Variants in PTPN13 observed in about 807,000 individuals in gnomAD.
The protein encoded by PTPN13 is tyrosine-protein phosphatase non-receptor type 13.
In PTPN13, 191 loss-of-function variants were observed where a neutral mutation model predicts 284.0. That is an observed-to-expected ratio of 0.67 (90% CI 0.60 to 0.76). The LOEUF (loss-of-function observed/expected upper bound fraction) is 0.76, where lower values mean the gene tolerates loss of function less well. Ranked by LOEUF, PTPN13 falls within the 30% of genes least tolerant of loss-of-function variation. The pLI, the probability that PTPN13 is intolerant of heterozygous loss-of-function variation, is 0.00. For missense variants in PTPN13, 2,797 were observed against 2,939.9 expected (o/e 0.95, Z 1.12); for synonymous variants, 986 against 1,022.3 (o/e 0.96, Z 0.68).
chr4:86,766,674 A>T (rs1739353457), intron 27 of PTPN13, 157 bp downstream of exon 27: 1 of 472,710 alleles, frequency 2.1e-6, no homozygotes, highest in Non-Finnish European at 3.6e-6. Context: ...TTCCTTCCAA[A>T]TTGAAATGCA....
intron 2 of PTPN13, among the ~76,000 whole-genome samples, chr4:86,647,938 G>A (rs889750967): frequency 1.3e-3 from 198 of 151,976 alleles, no homozygotes; most frequent in African/African-American, 4.4e-3. Context: ...AACTTAAACC[G>A]TCCATTCTGT....
Position 86,779,310 on chromosome 4 carries a change from G to A in PTPN13, c.5892-1092G>A, listed in dbSNP as rs190860650. On this transcript the variant is annotated intron_variant, in intron 35 of 47. Transcript: ENST00000411767. ...CGGGCGCCTGTAGTCCCAGCTACTC[G>A]GGAGGCTAAGGCAGGAGAATGGCGT... Among the ~76,000 whole-genome samples the A allele has an allele frequency of 6.5e-3, 993 of 152,010 alleles. 9 individuals are homozygous for A. Among genetic ancestry groups the A allele is most frequent in the African/African-American group, 0.022 (892 of 41,472 alleles).
chr4:86,794,565 AC>A (rs1174329015), intron 40 of PTPN13, among the ~76,000 whole-genome samples: 2 of 152,202 alleles, frequency 1.3e-5, no homozygotes, highest in Non-Finnish European at 2.9e-5. Flanking sequence ...TTCATATGGA[AC>A]CCAAAAAGAG....
rs965739078 is a variant in PTPN13, at chr4:86,726,691, A to G, written c.1608+4257A>G. Among the ~76,000 whole-genome samples, 7 of 149,766 alleles carry G rather than the reference A, an allele frequency of 4.7e-5. No individual in the cohort carries two copies. In the East Asian group the frequency reaches 5.8e-4, roughly 12 times the overall value. ...TCCTGACACTTTGCTGAAGTTGCTTATCAGCTTAAGGAGATTCGGGGCTGA... is the reference window on the plus strand; with the variant it reads ...TCCTGACACTTTGCTGAAGTTGCTTGTCAGCTTAAGGAGATTCGGGGCTGA... On this transcript the variant is annotated intron_variant, in intron 10 of 47. Coordinates refer to ENST00000411767, the MANE Select transcript of PTPN13 (RefSeq NM_080683.3).
intron 3 of PTPN13, among the ~76,000 whole-genome samples, chr4:86,686,098 A>G (rs1372748937): frequency 1.3e-5 from 2 of 152,060 alleles, no homozygotes; most frequent in African/African-American, 4.8e-5. Context: ...GCAGTGGGTC[A>G]CGCCTATAAT....
rs34543988 is a variant in PTPN13, at chr4:86,693,071, T to TAAAAAAAAA, written c.547-502_547-494dup. ...TGACAGAGTGAGACTCCGTTATATT[T>TAAAAAAAAA]AAAAAAAAAAAAAAAAAAAAAAGAC... On this transcript the variant is annotated intron_variant, in intron 5 of 47. Transcript: ENST00000411767. Among the ~76,000 whole-genome samples the TAAAAAAAAA allele has an allele frequency of 6.6e-3, 746 of 112,256 alleles. 8 individuals are homozygous for TAAAAAAAAA. Among genetic ancestry groups the TAAAAAAAAA allele is most frequent in the Non-Finnish European group, 0.01 (558 of 55,002 alleles). The allele number at this position is 112,256 out of a possible 152,430, so 73.6% of individuals were successfully genotyped here.
At chr4:86,730,496 C>T (rs1197798750) in intron 10 of PTPN13, among the ~76,000 whole-genome samples, 1 of 149,824 alleles carries the variant, frequency 6.7e-6, no homozygotes, top group East Asian at 1.9e-4. Context: ...TGTTTACCTA[C>T]TCAAGCCTCA....
At position 86,694,579 on chromosome 4, in the gene PTPN13, CAAAAAAA is replaced by C. The variant is rs1000226646; in HGVS notation, c.634+924_634+930del. Among the ~76,000 whole-genome samples the C allele has an allele frequency of 1.9e-4, 6 of 32,332 alleles. No homozygotes were observed. The East Asian group carries it at 5.0e-3, about 27-fold the overall frequency. The allele number at this position is 32,332 out of a possible 152,430, so 21.2% of individuals were successfully genotyped here. A position where few individuals can be genotyped will look rare whatever the true frequency, so the allele number is the denominator to read the frequency against. On this transcript the variant is annotated intron_variant, in intron 6 of 47. Coordinates refer to ENST00000411767, the MANE Select transcript of PTPN13 (RefSeq NM_080683.3). ...GGCAACAAAGAGTGAACTTCTGTCT[CAAAAAAA>C]AAAAAAAAAAAAAAAAAAGAATGGA...
intron 1 of PTPN13, among the ~76,000 whole-genome samples, chr4:86,600,378 T>C (rs954887201): frequency 4.0e-5 from 6 of 151,486 alleles, no homozygotes; most frequent in Non-Finnish European, 2.9e-5. Flanking sequence ...ATAATTAATT[T>C]CAATTAAAAA....
At chr4:86,803,281 ATAAAT>A (rs1744255941) in intron 42 of PTPN13, among the ~76,000 whole-genome samples, 1 of 151,084 alleles carries the variant, frequency 6.6e-6, no homozygotes, top group Non-Finnish European at 1.5e-5. Flanking sequence ...AATATATAAA[ATAAAT>A]AAAATAAAAT....
intron 14 of PTPN13, among the ~76,000 whole-genome samples, chr4:86,735,212 G>A (rs926451270): frequency 2.0e-5 from 3 of 152,266 alleles, no homozygotes; most frequent in African/African-American, 7.2e-5. Context: ...TGATGGGCTG[G>A]CAGCCTGGCA....
chr4:86,684,875 T>C (rs1208691450), intron 3 of PTPN13, among the ~76,000 whole-genome samples: 3 of 152,138 alleles, frequency 2.0e-5, no homozygotes, highest in Admixed American at 2.0e-4. Flanking sequence ...CAGAAGGAAA[T>C]AGGAAAGATG....
intron 15 of PTPN13, among the ~76,000 whole-genome samples, chr4:86,740,323 C>T (rs1273883501): frequency 5.3e-5 from 8 of 152,308 alleles, no homozygotes; most frequent in South Asian, 2.1e-4. Flanking sequence ...GAAATCTAGG[C>T]GAAGGTTCCC....
At chr4:86,785,415 C>T (rs776075522) in intron 39 of PTPN13, 47 bp downstream of exon 39, 39 of 1,534,154 alleles carry the variant, frequency 2.5e-5, no homozygotes, top group Middle Eastern at 1.7e-4. Flanking sequence ...AGTACAAAAA[C>T]GTCTCTAGGG....
intron 41 of PTPN13, among the ~76,000 whole-genome samples, chr4:86,798,092 A>G (rs1743561772): frequency 6.6e-6 from 1 of 152,192 alleles, no homozygotes; most frequent in Non-Finnish European, 1.5e-5. Context: ...AGAAAAATGC[A>G]TGCCCTTTAC....
At chr4:86,641,951 A>G (rs1013206960) in intron 2 of PTPN13, among the ~76,000 whole-genome samples, 5 of 152,124 alleles carry the variant, frequency 3.3e-5, no homozygotes, top group South Asian at 2.1e-4. Context: ...TCATCTGTCA[A>G]ATTCCTAGGG....
At chr4:86,676,310 T>C (rs1728268423) in intron 3 of PTPN13, among the ~76,000 whole-genome samples, 1 of 152,208 alleles carries the variant, frequency 6.6e-6, no homozygotes, top group African/African-American at 2.4e-5. Flanking sequence ...CTTGTAGGGA[T>C]ACTATCTCAC....
chr4:86,656,194 C>G (rs1017022132), intron 2 of PTPN13, among the ~76,000 whole-genome samples: 1 of 152,182 alleles, frequency 6.6e-6, no homozygotes, highest in African/African-American at 2.4e-5. Context: ...CCAACTTCCT[C>G]CTTTAGCTCA....
At chr4:86,614,081 A>ATTTTT (rs1720264571) in intron 1 of PTPN13, among the ~76,000 whole-genome samples, 1 of 152,156 alleles carries the variant, frequency 6.6e-6, no homozygotes. Context: ...AAAAATAAGC[A>ATTTTT]CCATGGCATT....
Sources: gnomAD v4.1 joint callset for allele counts (sites outside exome capture counted in the v4.1 genomes callset) on GRCh38, gnomAD v4.1.1 for gene constraint, MANE v1.5 for transcripts, NCBI Gene and HGNC (gene_info 2026-07-23, HGNC 2026-07-21) for gene names.